DNAH7: variants seen among roughly 807,000 people sequenced by gnomAD.
DNAH7 encodes axonemal beta dynein heavy chain 7.
DNAH7 carries 397 observed loss-of-function variants against 444.6 expected under a neutral mutation model. The observed-to-expected ratio is 0.89, with a 90% CI of 0.82 to 0.97. The LOEUF (loss-of-function observed/expected upper bound fraction) is 0.97. Ranked by LOEUF, DNAH7 falls within the 50% of genes least tolerant of loss-of-function variation. The probability of loss-of-function intolerance (pLI) is 0.00; values close to 1 mark genes in which losing one functional copy is unlikely to be tolerated. For synonymous variants in DNAH7, 1,636 were observed against 1,624.4 expected (o/e 1.01, Z -0.17); for missense variants, 4,902 against 4,800.8 (o/e 1.02, Z -0.62).
At chr2:195,890,217 T>C (rs558045279) in intron 31 of DNAH7, among the ~76,000 whole-genome samples, 1 of 152,310 alleles carries the variant, frequency 6.6e-6, no homozygotes, top group South Asian at 2.1e-4. Context: ...AGGCCACTTC[T>C]AGCTGTGTTC....
intron 19 of DNAH7, among the ~76,000 whole-genome samples, chr2:195,940,025 T>A (rs1217494834): frequency 6.6e-6 from 1 of 152,192 alleles, no homozygotes; most frequent in Non-Finnish European, 1.5e-5. Flanking sequence ...GAAACTACTT[T>A]AAATTTCACA....
At chr2:195,895,363 T>C (rs1037349508) in intron 29 of DNAH7, 139 bp from the exon 30 acceptor site, 5 of 538,654 alleles carry the variant, frequency 9.3e-6, no homozygotes, top group Non-Finnish European at 1.5e-5. Context: ...ATAGTTCACA[T>C]ACGCAAACGT....
At chr2:195,877,195 A>C (rs1000533033) in intron 36 of DNAH7, among the ~76,000 whole-genome samples, 2 of 152,220 alleles carry the variant, frequency 1.3e-5, no homozygotes, top group African/African-American at 4.8e-5. Context: ...CAGGGACAGG[A>C]CATACCAGAA....
Position 195,960,566 on chromosome 2 carries a change from C to T in DNAH7, c.2585G>A (p.Gly862Asp). The T allele has an allele frequency of 1.9e-6, 3 of 1,614,198 alleles. No homozygotes were observed. The highest frequency in any genetic ancestry group is 2.5e-6 in the Non-Finnish European group (3 of 1,180,024). Residue 862 changes from glycine (G) to aspartate (D), a missense_variant, in exon 18 of 65, where the codon GGT (glycine) becomes GAT (aspartate). Gly to Asp is a moderately conservative substitution (Grantham distance 94). Transcript: ENST00000312428. ...GTCATCTGATGGCTGCAAAGGGTAA[C>T]CAACAATGGCAGACATGGCCTCCCA... ...RHWEAMSAIV[G>D]YPLQPSDDST...
chr2:195,968,902 A>G (rs528106378), intron 17 of DNAH7, among the ~76,000 whole-genome samples: 9 of 152,302 alleles, frequency 5.9e-5, no homozygotes, highest in Middle Eastern at 3.4e-3. Context: ...TTCTGCTGCA[A>G]CAGGGCAGCA....
chr2:195,875,050 C>A (rs183985465), intron 38 of DNAH7, among the ~76,000 whole-genome samples: 49 of 152,240 alleles, frequency 3.2e-4, no homozygotes, highest in Non-Finnish European at 8.8e-5. Flanking sequence ...TGTTAGTAAT[C>A]AAGCCATTTT....
intron 8 of DNAH7, among the ~76,000 whole-genome samples, chr2:196,020,091 T>A (rs1695281866): frequency 2.6e-5 from 4 of 152,182 alleles, no homozygotes; most frequent in Admixed American, 2.0e-4. Flanking sequence ...ATATTTTCTC[T>A]TTCTTATGAT....
intron 17 of DNAH7, among the ~76,000 whole-genome samples, chr2:195,965,738 C>T (rs1176633494): frequency 6.6e-6 from 1 of 152,034 alleles, no homozygotes; most frequent in Non-Finnish European, 1.5e-5. Context: ...TCGAGATTTT[C>T]CTATTTATTG....
At position 195,906,725 on chromosome 2, in the gene DNAH7, T is replaced by A; in HGVS notation, c.4269A>T (p.Thr1423=). The change falls in exon 27 of 65, where the codon ACA becomes ACT. Residue 1423 remains threonine (T), a synonymous_variant. Transcript: ENST00000312428. ...FEGTELKLDP[T]CAVFITMNPG... Reference sequence around the variant, plus strand: ...GGTTCATTGTTATAAAGACAGCACATGTGGGGTCAAGTTTTAGTTCAGTTC... The same window carrying A: ...GGTTCATTGTTATAAAGACAGCACAAGTGGGGTCAAGTTTTAGTTCAGTTC... The A allele has an allele frequency of 6.2e-7, 1 of 1,613,576 alleles. No individual in the cohort carries two copies. Among genetic ancestry groups the A allele is most frequent in the South Asian group, 1.1e-5 (1 of 91,062 alleles).
intron 19 of DNAH7, among the ~76,000 whole-genome samples, chr2:195,942,416 A>C (rs1377232913): frequency 2.6e-5 from 4 of 151,514 alleles, no homozygotes; most frequent in African/African-American, 9.7e-5. Flanking sequence ...AAGAGGAGGA[A>C]GAGGAAGAAG....
intron 5 of DNAH7, among the ~76,000 whole-genome samples, chr2:196,043,486 T>G (rs994326150): frequency 2.0e-5 from 3 of 152,092 alleles, no homozygotes. Context: ...CAGAAAAACT[T>G]CTGGATATTA....
intron 1 of DNAH7, chr2:196,068,388 C>A (rs546684102): frequency 1.7e-5 from 7 of 417,578 alleles, no homozygotes; most frequent in Non-Finnish European, 2.6e-5. Flanking sequence ...CTCGCAGAGC[C>A]GCCTCTCACC....
intron 9 of DNAH7, 53 bp from the exon 10 acceptor site, chr2:196,012,959 A>G (rs878881508): frequency 7.9e-7 from 1 of 1,272,636 alleles, no homozygotes; most frequent in Non-Finnish European, 1.0e-6. Flanking sequence ...TTGGTATTTA[A>G]TATTTTATTA....
chr2:195,790,817 CAACAAA>C (rs1374420574), intron 57 of DNAH7, among the ~76,000 whole-genome samples: 2 of 152,094 alleles, frequency 1.3e-5, no homozygotes, highest in East Asian at 3.9e-4. Context: ...AAAGCAGCTG[CAACAAA>C]AACAAAAATT....
intron 62 of DNAH7, among the ~76,000 whole-genome samples, chr2:195,755,565 T>G (rs1382918056): frequency 1.3e-5 from 2 of 152,228 alleles, no homozygotes; most frequent in Non-Finnish European, 2.9e-5. Flanking sequence ...AAAAGGGAAT[T>G]TAACCATTTT....
At chr2:195,836,247 TG>T (rs1433697306) in intron 47 of DNAH7, among the ~76,000 whole-genome samples, 1 of 152,180 alleles carries the variant, frequency 6.6e-6, no homozygotes, top group Non-Finnish European at 1.5e-5. Context: ...GCCAGCATGG[TG>T]GCTTACGCTT....
chr2:195,881,918 A>G lies in DNAH7; in HGVS notation c.5838T>C (p.Asn1946=). 6.2e-7 allele frequency: 1 copy of G among 1,614,036 alleles called. No homozygotes were observed. Among genetic ancestry groups the G allele is most frequent in the South Asian group, 1.1e-5 (1 of 91,080 alleles). The part of the protein sequence containing the change: ...APPIPKDVMF[N]EIIVPTLDTI... ...TGTCCAGAGTTGGCACAATGATTTC[A>G]TTAAACATTACATCTTTAGGAATTG... Residue 1946 remains asparagine, a synonymous_variant, in exon 36 of 65, where the codon AAT becomes AAC. Coordinates refer to ENST00000312428, the MANE Select transcript of DNAH7 (RefSeq NM_018897.3).
In DNAH7 at chr2:195,794,606, T is replaced by C. The variant is rs919625888; in HGVS notation, c.10516-68A>G. 8.2e-6 allele frequency: 12 copies of C among 1,464,872 alleles called. No individual in the cohort carries two copies. The Admixed American group carries it at 1.4e-4, about 17-fold the overall frequency. 90.7% of individuals were successfully genotyped at this position (1,464,872 alleles called of 1,614,324 possible). A position where few individuals can be genotyped will look rare whatever the true frequency, so the allele number is the denominator to read the frequency against. ...AAAGAAAATCTCAAAAGCATACATA[T>C]GAAGGATGAGTTGGAAGGGGGAGGA... On this transcript the variant is annotated intron_variant, in intron 56 of 64. Coordinates refer to ENST00000312428, the MANE Select transcript of DNAH7 (RefSeq NM_018897.3).
chr2:195,772,228 G>A (rs952832288), intron 60 of DNAH7, among the ~76,000 whole-genome samples: 1 of 152,198 alleles, frequency 6.6e-6, no homozygotes, highest in Non-Finnish European at 1.5e-5. Context: ...CACTGGTGGA[G>A]TGGCCAAGCG....
Sources: allele counts gnomAD v4.1 joint callset (sites outside exome capture counted in the v4.1 genomes callset), GRCh38; gene constraint gnomAD v4.1.1; transcripts MANE v1.5; gene names NCBI Gene and HGNC (gene_info 2026-07-23, HGNC 2026-07-21).